Variants in THSD7B observed in about 807,000 individuals in gnomAD.
The protein encoded by THSD7B is thrombospondin type-1 domain-containing protein 7B.
THSD7B carries 138 observed loss-of-function variants against 213.6 expected under a neutral mutation model. The observed-to-expected ratio is 0.65, with a 90% CI of 0.56 to 0.74. The LOEUF is 0.74. THSD7B is among the 30% of genes least tolerant of loss of function. The pLI is 0.00. For missense variants in THSD7B, 1,931 were observed against 1,991.5 expected (o/e 0.97, Z 0.58); for synonymous variants, 742 against 687.0 (o/e 1.08, Z -1.25).
At chr2:137,035,723 T>C (rs1022514746) in intron 2 of THSD7B, among the ~76,000 whole-genome samples, 1 of 152,124 alleles carries the variant, frequency 6.6e-6, no homozygotes, top group Non-Finnish European at 1.5e-5. Flanking sequence ...TTAAAAAGTA[T>C]CGCAGGCAAT....
chr2:137,355,557 C>T (rs1558767840), intron 12 of THSD7B, among the ~76,000 whole-genome samples: 1 of 152,010 alleles, frequency 6.6e-6, no homozygotes, highest in African/African-American at 2.4e-5. Flanking sequence ...TTGTTCAGAC[C>T]TGAGAGGGGA....
chr2:137,374,337 C>T (rs2104954528), intron 12 of THSD7B, among the ~76,000 whole-genome samples: 1 of 152,214 alleles, frequency 6.6e-6, no homozygotes, highest in South Asian at 2.1e-4. Flanking sequence ...TTTCTTTGGT[C>T]TTTTTAATCC....
chr2:137,562,327 A>G (rs1480991737), intron 15 of THSD7B, among the ~76,000 whole-genome samples: 1 of 152,140 alleles, frequency 6.6e-6, no homozygotes, highest in Non-Finnish European at 1.5e-5. Context: ...TGATCATGCA[A>G]TGGAAGAGCA....
intron 9 of THSD7B, among the ~76,000 whole-genome samples, chr2:137,239,358 G>A (rs1004809123): frequency 1.3e-5 from 2 of 151,946 alleles, no homozygotes; most frequent in African/African-American, 4.8e-5. Flanking sequence ...CAGACACATA[G>A]TTCACCAATA....
intron 1 of THSD7B, among the ~76,000 whole-genome samples, chr2:136,798,771 CA>C (rs1682117260): frequency 1.3e-5 from 2 of 151,930 alleles, no homozygotes; most frequent in South Asian, 2.1e-4. Context: ...TTAGTTAAAA[CA>C]AAAAAACCAT....
chr2:136,980,717 T>C (rs1685562064), intron 2 of THSD7B, among the ~76,000 whole-genome samples: 1 of 152,178 alleles, frequency 6.6e-6, no homozygotes, highest in Admixed American at 6.5e-5. Context: ...CCAAGAGTCT[T>C]CACAGTTCTG....
At chr2:136,829,757 A>G (rs1391844253) in intron 1 of THSD7B, among the ~76,000 whole-genome samples, 1 of 152,216 alleles carries the variant, frequency 6.6e-6, no homozygotes, top group Non-Finnish European at 1.5e-5. Flanking sequence ...GAAGCCAGGA[A>G]GAGCAGGCAT....
intron 17 of THSD7B, among the ~76,000 whole-genome samples, chr2:137,584,846 C>T (rs1320735597): frequency 1.3e-5 from 2 of 152,148 alleles, no homozygotes; most frequent in Non-Finnish European, 2.9e-5. Flanking sequence ...TGATGCTGGC[C>T]TCATAAAATG....
At chr2:137,490,399 T>G (rs1688577735) in intron 15 of THSD7B, among the ~76,000 whole-genome samples, 1 of 152,168 alleles carries the variant, frequency 6.6e-6, no homozygotes, top group Non-Finnish European at 1.5e-5. Context: ...AAGTTAAATA[T>G]TTTCATAGGG....
chr2:136,904,283 A>G (rs1239924123), intron 2 of THSD7B, among the ~76,000 whole-genome samples: 1 of 152,068 alleles, frequency 6.6e-6, no homozygotes, highest in African/African-American at 2.4e-5. Flanking sequence ...AGTGTGGGAA[A>G]GTGTCTGAGT....
chr2:137,070,120 A>G (rs2104890342), intron 3 of THSD7B, among the ~76,000 whole-genome samples: 1 of 152,054 alleles, frequency 6.6e-6, no homozygotes, highest in South Asian at 2.1e-4. Flanking sequence ...GCTTGCAGAT[A>G]ACCAACTTCC....
At chr2:137,347,065 C>A (rs1198233077) in intron 12 of THSD7B, among the ~76,000 whole-genome samples, 1 of 151,630 alleles carries the variant, frequency 6.6e-6, no homozygotes, top group Non-Finnish European at 1.5e-5. Flanking sequence ...TTCCAATATC[C>A]CCACATCCTC....
intron 2 of THSD7B, among the ~76,000 whole-genome samples, chr2:137,037,698 T>C (rs1298543662): frequency 6.6e-6 from 1 of 152,232 alleles, no homozygotes; most frequent in Non-Finnish European, 1.5e-5. Context: ...TTGGCTAAAG[T>C]ACTTTCTGCA....
chr2:137,402,014 G>C (rs1214498050), intron 12 of THSD7B, among the ~76,000 whole-genome samples: 1 of 152,148 alleles, frequency 6.6e-6, no homozygotes, highest in African/African-American at 2.4e-5. Context: ...ATGAGGCATG[G>C]TGAGGAGAAT....
chr2:137,387,111 A>G (rs1685913975), intron 12 of THSD7B, among the ~76,000 whole-genome samples: 1 of 152,212 alleles, frequency 6.6e-6, no homozygotes, highest in Admixed American at 6.5e-5. Flanking sequence ...GTAGCAATTA[A>G]GAAAAAGATG....
rs372746893 is a variant in THSD7B at position 137,466,498 on chromosome 2, AT to A, written c.3138+15484del. ...CATTATGAGATGGTTTTTTTTTATG[AT>A]TTTTTTTTCTTAGCTTATCAGCTAT... is the stretch of plus-strand genomic sequence containing the variant. On this transcript the variant is annotated intron_variant, in intron 15 of 27. Coordinates refer to ENST00000409968, the MANE Select transcript of THSD7B (RefSeq NM_001316349.2). 2.7e-3 allele frequency among the ~76,000 whole-genome samples: 401 copies of A among 150,950 alleles called. 3 individuals carry two copies. The highest frequency in any genetic ancestry group is 9.2e-3 in the African/African-American group (377 of 41,136).
intron 3 of THSD7B, among the ~76,000 whole-genome samples, chr2:137,063,826 A>T (rs1329053898): frequency 6.6e-6 from 1 of 152,036 alleles, no homozygotes; most frequent in Non-Finnish European, 1.5e-5. Context: ...AGTTCCATCC[A>T]TGTTGGTGCA....
intron 12 of THSD7B, among the ~76,000 whole-genome samples, chr2:137,373,598 G>GC (rs1442885633): frequency 6.6e-6 from 1 of 151,930 alleles, no homozygotes; most frequent in Non-Finnish European, 1.5e-5. Flanking sequence ...CTGGATATTA[G>GC]CCCTTTCTCA....
At chr2:137,407,963 T>C (rs74354335) in intron 13 of THSD7B, among the ~76,000 whole-genome samples, 6 of 150,696 alleles carry the variant, frequency 4.0e-5, no homozygotes, top group Admixed American at 1.3e-4. Flanking sequence ...TTATAATAAC[T>C]AGATAACTAC....
Sources: gnomAD v4.1 joint callset for allele counts (sites outside exome capture counted in the v4.1 genomes callset) on GRCh38, gnomAD v4.1.1 for gene constraint, MANE v1.5 for transcripts, NCBI Gene and HGNC (gene_info 2026-07-23, HGNC 2026-07-21) for gene names.